The following SERINC5 variants were observed in gnomAD, a reference collection of about 807,000 sequenced individuals.
SERINC5 encodes serine incorporator 5.
In SERINC5, 41 loss-of-function variants were observed where a neutral mutation model predicts 63.1. That is an observed-to-expected ratio of 0.65 (90% CI 0.51 to 0.84). The LOEUF is 0.84. Ranked by LOEUF, SERINC5 falls within the 40% of genes least tolerant of loss-of-function variation. The pLI is 0.00. For missense variants in SERINC5, 523 were observed against 573.0 expected (o/e 0.91, Z 0.89); for synonymous variants, 222 against 215.2 (o/e 1.03, Z -0.28).
At chr5:80,117,164 G>A (rs1306819866) in intron 11 of SERINC5, among the ~76,000 whole-genome samples, 1 of 152,004 alleles carries the variant, frequency 6.6e-6, no homozygotes, top group East Asian at 1.9e-4. Context: ...ATATGCAGAA[G>A]AACAAACTAA....
chr5:80,122,016 G>A (rs1163277889), intron 11 of SERINC5, among the ~76,000 whole-genome samples: 1 of 151,904 alleles, frequency 6.6e-6, no homozygotes, highest in East Asian at 1.9e-4. Flanking sequence ...ATATCAGTCA[G>A]GAAATGTTCA....
At chr5:80,195,877 G>A (rs965100196) in intron 2 of SERINC5, among the ~76,000 whole-genome samples, 8 of 152,104 alleles carry the variant, frequency 5.3e-5, no homozygotes, top group African/African-American at 1.9e-4. Context: ...TTAGAAATAG[G>A]GTATCATCTG....
chr5:80,189,544 C>T (rs1018871123), intron 2 of SERINC5, among the ~76,000 whole-genome samples: 8 of 152,172 alleles, frequency 5.3e-5, no homozygotes, highest in African/African-American at 1.9e-4. Context: ...CACTGTGCTG[C>T]CCTGAGGTGA....
At chr5:80,197,026 A>G (rs1561416564) in intron 2 of SERINC5, among the ~76,000 whole-genome samples, 3 of 152,202 alleles carry the variant, frequency 2.0e-5, no homozygotes, top group Non-Finnish European at 4.4e-5. Context: ...TGAAGTACAT[A>G]TGCTACAACC....
intron 1 of SERINC5, among the ~76,000 whole-genome samples, chr5:80,244,358 G>T (rs1752077062): frequency 6.6e-6 from 1 of 151,966 alleles, no homozygotes; most frequent in African/African-American, 2.4e-5. Flanking sequence ...TGGGATTACA[G>T]ATGTCTGCCA....
rs573701753 is a variant in SERINC5, at chr5:80,164,454, T to C, written c.859+1929A>G. ...CAGTGGTGCAATAAGAGCTCACAGCTCACTGCAGCCTCAACCTCTGGGGCT... is the reference window on the plus strand; with the variant it reads ...CAGTGGTGCAATAAGAGCTCACAGCCCACTGCAGCCTCAACCTCTGGGGCT... On this transcript the variant is annotated intron_variant, in intron 7 of 11. Transcript: ENST00000507668. Among the ~76,000 whole-genome samples the C allele has an allele frequency of 2.0e-5, 3 of 152,190 alleles. No individual in the cohort carries two copies. In the East Asian group the frequency reaches 5.8e-4, roughly 29 times the overall value.
chr5:80,138,403 C>T (rs933709636), downstream of SERINC5, among the ~76,000 whole-genome samples: 1 of 152,038 alleles, frequency 6.6e-6, no homozygotes, highest in African/African-American at 2.4e-5. Context: ...CAAGACCAGC[C>T]TGGCCAACAT....
chr5:80,123,395 T>A (rs1250669302), intron 11 of SERINC5, among the ~76,000 whole-genome samples: 1 of 152,234 alleles, frequency 6.6e-6, no homozygotes. Context: ...GCGCTGGGAT[T>A]ACAGGCGTGA....
chr5:80,161,836 G>A (rs1398031914), intron 7 of SERINC5, among the ~76,000 whole-genome samples: 3 of 152,092 alleles, frequency 2.0e-5, no homozygotes, highest in Non-Finnish European at 4.4e-5. Context: ...ACAGTTTCAG[G>A]TCTTACATGT....
At chr5:80,196,944 G>T (rs1044732379) in intron 2 of SERINC5, among the ~76,000 whole-genome samples, 9 of 151,688 alleles carry the variant, frequency 5.9e-5, no homozygotes, top group South Asian at 4.2e-4. Flanking sequence ...CATCTCAAAA[G>T]AAATAAATAA....
chr5:80,152,777 G>T (rs533442817), intron 8 of SERINC5, among the ~76,000 whole-genome samples: 2 of 149,594 alleles, frequency 1.3e-5, no homozygotes, highest in South Asian at 2.1e-4. Flanking sequence ...CCCATCTATA[G>T]TAAAAATACA....
intron 1 of SERINC5, among the ~76,000 whole-genome samples, chr5:80,240,194 A>T (rs1336806687): frequency 6.6e-6 from 1 of 152,212 alleles, no homozygotes; most frequent in Non-Finnish European, 1.5e-5. Flanking sequence ...AAAAATGCAC[A>T]CAGCTCAGCT....
chr5:80,157,373 G>T (rs939279259), intron 8 of SERINC5: 3 of 151,968 alleles, frequency 2.0e-5, no homozygotes, highest in East Asian at 1.9e-4. Flanking sequence ...TTCATGGTTG[G>T]TTTTTCAAAA....
chr5:80,147,411 G>GCACACCTGGGAAA, intron 9 of SERINC5, 127 bp from the exon 10 acceptor site: 4 of 933,326 alleles, frequency 4.3e-6, no homozygotes, highest in South Asian at 1.5e-5. Context: ...TTCTTTCCCA[G>GCACACCTGGGAAA]GTGTGCTGGG....
intron 11 of SERINC5, among the ~76,000 whole-genome samples, chr5:80,124,442 C>T (rs1485103009): frequency 6.6e-6 from 1 of 152,192 alleles, no homozygotes; most frequent in Non-Finnish European, 1.5e-5. Context: ...TGCAACCTCT[C>T]TATAGTAGGC....
intron 2 of SERINC5, among the ~76,000 whole-genome samples, chr5:80,184,335 G>T (rs1748670144): frequency 6.6e-6 from 1 of 151,952 alleles, no homozygotes; most frequent in African/African-American, 2.4e-5. Context: ...ATCTATACCA[G>T]CCCATCTTTC....
At chr5:80,194,850 G>A (rs991788054) in intron 2 of SERINC5, among the ~76,000 whole-genome samples, 2 of 152,138 alleles carry the variant, frequency 1.3e-5, no homozygotes, top group African/African-American at 4.8e-5. Context: ...CTGGCCAGGC[G>A]ACCAGCAGCC....
intron 1 of SERINC5, among the ~76,000 whole-genome samples, chr5:80,223,418 T>C (rs138995375): frequency 5.6e-4 from 85 of 152,342 alleles, no homozygotes; most frequent in African/African-American, 1.8e-3. Context: ...TTAATTTGTA[T>C]TATTTTTATT....
chr5:80,177,581 T>G lies in SERINC5; in HGVS notation c.375-184A>C, dbSNP rs1056576430. ...TTTTCCCATAATTAGGCAGACTCAG[T>G]GCAGCCTCCAGTTGTGCAAAACACC... On this transcript the variant is annotated intron_variant, in intron 3 of 11. Transcript: ENST00000507668. Among the ~76,000 whole-genome samples, 7 of 152,214 alleles carry G rather than the reference T, an allele frequency of 4.6e-5. No individual in the cohort carries two copies. The East Asian group carries it at 1.3e-3, about 29-fold the overall frequency.
Sources: allele counts gnomAD v4.1 joint callset (sites outside exome capture counted in the v4.1 genomes callset), GRCh38; gene constraint gnomAD v4.1.1; transcripts MANE v1.5; gene names NCBI Gene and HGNC (gene_info 2026-07-23, HGNC 2026-07-21).